Variants in CALD1 observed in about 807,000 individuals in gnomAD.
The protein encoded by CALD1 is caldesmon.
CALD1 carries 33 observed loss-of-function variants against 99.9 expected under a neutral mutation model. The ratio of observed to expected loss-of-function variants is 0.33; its 90% CI spans 0.25 to 0.44. The LOEUF is 0.44. Ranked by LOEUF, CALD1 falls within the 20% of genes least tolerant of loss-of-function variation. The pLI is 1.00. For missense variants in CALD1, 861 were observed against 962.1 expected, an observed-to-expected ratio of 0.89 and a Z score of 1.39; for synonymous variants, 310 against 325.0, an observed-to-expected ratio of 0.95 and a Z score of 0.50.
upstream of CALD1, among the ~76,000 whole-genome samples, chr7:134,742,494 G>A (rs1022829611): frequency 6.6e-6 from 1 of 152,220 alleles, no homozygotes; most frequent in Non-Finnish European, 1.5e-5. Context: ...TCGAAGTCCT[G>A]TGGGCTTTGA....
At position 134,935,749 on chromosome 7, in the gene CALD1, C is replaced by A; in HGVS notation, c.1370C>A (p.Thr457Asn). The part of the protein sequence containing the change: ...KREKLQEDKP[T>N]FKKEEIKDEK... ...GAAAAGCTCCAAGAAGACAAGCCTA[C>A]CTTCAAAAAAGAAGAGGTAAATATG... is the stretch of plus-strand genomic sequence containing the variant. Residue 457 changes from threonine (T) to asparagine (N), a missense_variant, in exon 6 of 15, where the codon ACC becomes AAC. By Grantham distance (65) the Thr-to-Asn change is moderately conservative. This residue lies in a region of CALD1 where 293 missense variants were observed against 262.7 expected (regional missense o/e 1.12). Transcript: ENST00000361675. 1 of 1,593,290 alleles carries A rather than the reference C, an allele frequency of 6.3e-7. No individual in the cohort carries two copies. The highest frequency in any genetic ancestry group is 1.2e-5 in the South Asian group (1 of 86,332).
At chr7:134,716,825 A>C in the CALD1 span, among the ~76,000 whole-genome samples, 1 of 152,222 alleles carries the variant, frequency 6.6e-6, no homozygotes, top group South Asian at 2.1e-4. Flanking sequence ...TTATGTGAAT[A>C]GTGAGTTCTA....
At chr7:134,720,757 A>T in the CALD1 span, among the ~76,000 whole-genome samples, 7 of 152,210 alleles carry the variant, frequency 4.6e-5, no homozygotes, top group Non-Finnish European at 1.0e-4. Context: ...TGGGGAATGA[A>T]GGGTCTTCAA....
At chr7:134,953,021 A>G (rs1343864326) in intron 9 of CALD1, among the ~76,000 whole-genome samples, 1 of 152,262 alleles carries the variant, frequency 6.6e-6, no homozygotes, top group African/African-American at 2.4e-5. Flanking sequence ...TTCAAGAATT[A>G]CAAAAGTGAG....
chr7:134,917,371 G>A (rs769948882), intron 3 of CALD1, among the ~76,000 whole-genome samples: 14 of 152,004 alleles, frequency 9.2e-5, no homozygotes, highest in Admixed American at 1.3e-4. Flanking sequence ...TTTTTGAGAC[G>A]GAGTTTTGTT....
rs537718796 is a variant in CALD1 at position 134,858,639 on chromosome 7, G to A, written c.-41-9054G>A. Among the ~76,000 whole-genome samples the A allele has an allele frequency of 2.4e-4, 37 of 151,912 alleles. No individual in the cohort carries two copies. In the East Asian group the frequency reaches 6.2e-3, roughly 25 times the overall value. ...GGCTGGAGTGCGGTGGCATGATCTC[G>A]GCTCACTGCAACCTCCACCTCCCAG... On this transcript the variant is annotated intron_variant, in intron 2 of 14. Coordinates refer to ENST00000361675, the MANE Select transcript of CALD1 (RefSeq NM_033138.4).
intron 3 of CALD1, among the ~76,000 whole-genome samples, chr7:134,894,962 T>G (rs1395407698): frequency 1.3e-5 from 2 of 152,122 alleles, no homozygotes; most frequent in Admixed American, 1.3e-4. Context: ...TAAAAGTTTT[T>G]TGTGTGTGTT....
At chr7:134,900,327 G>C (rs1281175972) in intron 3 of CALD1, among the ~76,000 whole-genome samples, 1 of 152,100 alleles carries the variant, frequency 6.6e-6, no homozygotes, top group Non-Finnish European at 1.5e-5. Flanking sequence ...TGAATGTTAT[G>C]GTATGCCTGC....
intron 1 of CALD1, among the ~76,000 whole-genome samples, chr7:134,820,105 A>T (rs1379513481): frequency 6.6e-6 from 1 of 152,218 alleles, no homozygotes; most frequent in Non-Finnish European, 1.5e-5. Flanking sequence ...TTCAGATCTA[A>T]GAGAGAATTT....
chr7:134,721,156 G>T, the CALD1 span, among the ~76,000 whole-genome samples: 2 of 152,200 alleles, frequency 1.3e-5, no homozygotes, highest in African/African-American at 4.8e-5. Flanking sequence ...CACAGTTGTG[G>T]CAAGAGCAGT....
upstream of CALD1, chr7:134,779,591 G>A (rs1797023762): frequency 2.5e-6 from 1 of 398,366 alleles, no homozygotes; most frequent in Non-Finnish European, 4.4e-6. Flanking sequence ...GGACTTCTGG[G>A]AGGGGCCAAG....
chr7:134,752,182 T>G (rs1231504065), intron 1 of CALD1, among the ~76,000 whole-genome samples: 2 of 152,216 alleles, frequency 1.3e-5, no homozygotes, highest in African/African-American at 4.8e-5. Flanking sequence ...TTCAAGAGCA[T>G]GATGAATCAT....
At position 134,941,198 on chromosome 7, in the gene CALD1, T is replaced by C. The variant is rs1435689035; in HGVS notation, c.1493T>C (p.Phe498Ser). Residue 498 changes from phenylalanine (F) to serine (S), a missense_variant, in exon 7 of 15, where the codon TTC becomes TCC. By Grantham distance (155) the Phe-to-Ser change is radical. Coordinates refer to ENST00000361675, the MANE Select transcript of CALD1 (RefSeq NM_033138.4). ...GAAGTTAAGTCGCAGAATGGAGAAT[T>C]CATGACCCACAAACTTAAACATACT... ...FTEVKSQNGEFMTHKLKHTEN... is the reference protein window; with the variant it reads ...FTEVKSQNGESMTHKLKHTEN... 6.2e-7 allele frequency: 1 copy of C among 1,612,760 alleles called. No homozygotes were observed. The highest frequency in any genetic ancestry group is 8.5e-7 in the Non-Finnish European group (1 of 1,179,574).
chr7:134,805,899 T>C (rs747162395), intron 1 of CALD1, among the ~76,000 whole-genome samples: 5 of 152,152 alleles, frequency 3.3e-5, no homozygotes, highest in Non-Finnish European at 5.9e-5. Flanking sequence ...TAGCTGGGAC[T>C]ATAGACACGT....
chr7:134,948,033 A>T, intron 8 of CALD1: 1 of 361,018 alleles, frequency 2.8e-6, no homozygotes, highest in East Asian at 4.6e-5. Context: ...TTTTGTTTGT[A>T]ACTTTCCCAA....
intron 1 of CALD1, among the ~76,000 whole-genome samples, chr7:134,822,687 T>G (rs1290914303): frequency 6.6e-6 from 1 of 152,220 alleles, no homozygotes; most frequent in Non-Finnish European, 1.5e-5. Context: ...TTTAAATTTC[T>G]AAAACCTCTC....
intron 1 of CALD1, among the ~76,000 whole-genome samples, chr7:134,811,170 C>G (rs1041630614): frequency 6.6e-6 from 1 of 152,184 alleles, no homozygotes; most frequent in Non-Finnish European, 1.5e-5. Flanking sequence ...ATCCTGCCCT[C>G]AATTCTAGTG....
intron 3 of CALD1, among the ~76,000 whole-genome samples, chr7:134,904,249 A>C (rs985101967): frequency 1.3e-5 from 2 of 151,908 alleles, no homozygotes; most frequent in African/African-American, 4.8e-5. Flanking sequence ...TAAATAAATA[A>C]ATAAAAGCAA....
the CALD1 span, among the ~76,000 whole-genome samples, chr7:134,716,585 A>T: frequency 6.6e-6 from 1 of 152,256 alleles, no homozygotes; most frequent in Non-Finnish European, 1.5e-5. Flanking sequence ...ATAAGCAAAA[A>T]TATAAATGGA....
Sources: gnomAD v4.1 joint callset for allele counts (sites outside exome capture counted in the v4.1 genomes callset) on GRCh38, gnomAD v4.1.1 for gene constraint, gnomAD v4.1.1 regional missense constraint, MANE v1.5 for transcripts, NCBI Gene and HGNC (gene_info 2026-07-23, HGNC 2026-07-21) for gene names.